The following GABRG3 variants were observed in gnomAD, a reference collection of about 807,000 sequenced individuals.
GABRG3 encodes gamma-aminobutyric acid type A receptor subunit gamma3.
Under a neutral mutation model 48.8 loss-of-function variants are expected in GABRG3, and 25 were observed. The ratio of observed to expected loss-of-function variants is 0.51; its 90% confidence interval spans 0.37 to 0.72. The LOEUF (loss-of-function observed/expected upper bound fraction) is 0.72, where lower values mean the gene tolerates loss of function less well. GABRG3 is among the 30% of genes least tolerant of loss of function. The pLI, the probability that GABRG3 is intolerant of heterozygous loss-of-function variation, is 0.00. For synonymous variants in GABRG3, 227 were observed against 217.6 expected (o/e 1.04, Z -0.38); for missense variants, 394 against 577.9 (o/e 0.68, Z 3.26).
chr15:27,317,310 C>G (rs1893265044), intron 3 of GABRG3, among the ~76,000 whole-genome samples: 1 of 152,344 alleles, frequency 6.6e-6, no homozygotes, highest in African/African-American at 2.4e-5. Flanking sequence ...ATGGCAGGGA[C>G]TGCTGGGAAG....
intron 3 of GABRG3, among the ~76,000 whole-genome samples, chr15:27,029,757 C>G (rs977534062): frequency 6.6e-6 from 1 of 152,118 alleles, no homozygotes; most frequent in African/African-American, 2.4e-5. Flanking sequence ...AGGTTCCCTT[C>G]TAAGCAGCCC....
At chr15:27,187,134 C>T (rs558219684) in intron 3 of GABRG3, among the ~76,000 whole-genome samples, 2 of 152,252 alleles carry the variant, frequency 1.3e-5, no homozygotes, top group South Asian at 2.1e-4. Flanking sequence ...CAATCTGCTG[C>T]ATGTGGCTGG....
Position 27,354,769 on chromosome 15 carries a change from A to G in GABRG3, c.574+25881A>G, listed in dbSNP as rs369678726. Among the ~76,000 whole-genome samples, 3 of 152,212 alleles carry G rather than the reference A, an allele frequency of 2.0e-5. No individual in the cohort carries two copies. In the East Asian group the frequency reaches 5.8e-4, roughly 29 times the overall value. ...GCATTTAAAGTATGATTCAATTCCC[A>G]CAAGCTCAATGTCTATCACAATCTT... On this transcript the variant is annotated intron_variant, in intron 5 of 9. Coordinates refer to ENST00000615808, the MANE Select transcript of GABRG3 (RefSeq NM_033223.5).
rs532092253 is a variant in GABRG3, at chr15:26,975,156, C to A, written c.54-1846C>A. Among the ~76,000 whole-genome samples, 3 of 152,182 alleles carry A rather than the reference C, an allele frequency of 2.0e-5. No homozygotes were observed. The highest frequency in any genetic ancestry group is 7.2e-5 in the African/African-American group (3 of 41,530). On this transcript the variant is annotated intron_variant, in intron 1 of 9. Transcript: ENST00000615808. This position sits in a 1 kb window ranked among gnomAD's most constrained non-coding sequence, Gnocchi z 4.6. ...CTTCCCAAAGTGTTGGGATTACAGGCGTGAACAACCATGCCCGGCCAGATG... is the reference window on the plus strand; with the variant it reads ...CTTCCCAAAGTGTTGGGATTACAGGAGTGAACAACCATGCCCGGCCAGATG...
chr15:27,327,086 G>C (rs1168111129), intron 4 of GABRG3, 57 bp downstream of exon 4: 2 of 1,431,352 alleles, frequency 1.4e-6, no homozygotes, highest in East Asian at 4.8e-5. Flanking sequence ...TCCTTAATTT[G>C]AATCACTGTA....
intron 2 of GABRG3, among the ~76,000 whole-genome samples, chr15:27,001,370 G>C (rs746465678): frequency 1.1e-4 from 17 of 152,178 alleles, no homozygotes; most frequent in Non-Finnish European, 2.4e-4. Flanking sequence ...TGGAGCCACT[G>C]AGCACCGTCC....
intron 3 of GABRG3, among the ~76,000 whole-genome samples, chr15:27,235,338 C>A (rs897529066): frequency 6.6e-6 from 1 of 152,092 alleles, no homozygotes; most frequent in African/African-American, 2.4e-5. Context: ...ACAGGTGAAC[C>A]GCCACAGCCC....
intron 3 of GABRG3, among the ~76,000 whole-genome samples, chr15:27,052,348 C>A (rs111970661): frequency 0.016 from 2,483 of 152,276 alleles, 75 homozygotes; most frequent in African/African-American, 0.057. Flanking sequence ...AAGGACTCAG[C>A]CCTCAGGTGG....
At chr15:27,395,217 C>G (rs1028199612) in intron 5 of GABRG3, among the ~76,000 whole-genome samples, 34 of 152,248 alleles carry the variant, frequency 2.2e-4, no homozygotes, top group African/African-American at 7.9e-4. Context: ...TTCCCTGGTT[C>G]TTTATTCTGT....
At chr15:27,450,438 C>T (rs1889075141) in intron 5 of GABRG3, among the ~76,000 whole-genome samples, 1 of 152,272 alleles carries the variant, frequency 6.6e-6, no homozygotes, top group South Asian at 2.1e-4. Flanking sequence ...TGATACATCA[C>T]ATTAACAGAA....
chr15:27,069,139 C>T (rs1896785568), intron 3 of GABRG3, among the ~76,000 whole-genome samples: 1 of 152,230 alleles, frequency 6.6e-6, no homozygotes, highest in South Asian at 2.1e-4. Flanking sequence ...AAGGCAGCTG[C>T]AGGGGTGCCG....
chr15:27,341,276 T>A (rs1349774893), intron 5 of GABRG3, among the ~76,000 whole-genome samples: 1 of 152,210 alleles, frequency 6.6e-6, no homozygotes, highest in Non-Finnish European at 1.5e-5. Context: ...AGTCAGAGTT[T>A]TAAGATTAGC....
At chr15:27,080,142 C>A (rs569996312) in intron 3 of GABRG3, among the ~76,000 whole-genome samples, 63 of 152,156 alleles carry the variant, frequency 4.1e-4, no homozygotes, top group African/African-American at 1.5e-3. Flanking sequence ...TAGCAAGGGG[C>A]CATCTTGCTA....
chr15:27,432,106 G>A (rs868589999), intron 5 of GABRG3, among the ~76,000 whole-genome samples: 8 of 152,088 alleles, frequency 5.3e-5, no homozygotes, highest in Non-Finnish European at 7.4e-5. Flanking sequence ...TGAGAATGAC[G>A]TGTATTGTGT....
intron 6 of GABRG3, among the ~76,000 whole-genome samples, chr15:27,508,245 C>T (rs1257279406): frequency 3.9e-5 from 6 of 152,116 alleles, no homozygotes; most frequent in African/African-American, 1.4e-4. Context: ...CCTCTTGCTA[C>T]TTTGATTACA....
At chr15:27,358,965 T>C (rs1490059471) in intron 5 of GABRG3, among the ~76,000 whole-genome samples, 2 of 152,220 alleles carry the variant, frequency 1.3e-5, no homozygotes, top group Non-Finnish European at 2.9e-5. Context: ...AGGCTTTCCC[T>C]GGGGAGGACC....
chr15:26,994,501 G>T (rs180817262), intron 2 of GABRG3, among the ~76,000 whole-genome samples: 6 of 151,640 alleles, frequency 4.0e-5, no homozygotes, highest in Admixed American at 2.0e-4. Flanking sequence ...CTTTAAATTT[G>T]CCCACTTTCT....
chr15:27,303,606 T>C (rs1892287635), intron 3 of GABRG3, among the ~76,000 whole-genome samples: 1 of 151,666 alleles, frequency 6.6e-6, no homozygotes, highest in Non-Finnish European at 1.5e-5. Context: ...AGGAAACGTA[T>C]CCCAACTCAT....
chr15:27,165,941 G>C (rs77650230), intron 3 of GABRG3, among the ~76,000 whole-genome samples: 55 of 152,214 alleles, frequency 3.6e-4, no homozygotes, highest in African/African-American at 1.3e-3. Flanking sequence ...AGAAGTGAGA[G>C]ATGTAAGAAG....
Sources: gnomAD v4.1 joint callset for allele counts (sites outside exome capture counted in the v4.1 genomes callset) on GRCh38, gnomAD v4.1.1 for gene constraint, Gnocchi (gnomAD v3.1) non-coding constraint, MANE v1.5 for transcripts, NCBI Gene and HGNC (gene_info 2026-07-23, HGNC 2026-07-21) for gene names.